Variants in CYP27C1 observed in about 807,000 individuals in gnomAD.
CYP27C1 encodes the protein cytochrome P450 27C1.
In CYP27C1, 29 loss-of-function variants were observed where a neutral mutation model predicts 40.6. That is an observed-to-expected ratio of 0.71 (90% CI 0.53 to 0.97). The LOEUF (loss-of-function observed/expected upper bound fraction) is 0.97. Among genes scored for constraint, CYP27C1 ranks in the 50% least tolerant of loss-of-function variants. The pLI is 0.00. For synonymous variants in CYP27C1, 198 were observed against 186.8 expected (o/e 1.06, Z -0.49); for missense variants, 390 against 485.8 (o/e 0.80, Z 1.85).
chr2:127,187,151 C>T lies in CYP27C1; in HGVS notation c.*120G>A, dbSNP rs1318499595. On this transcript the variant is annotated 3_prime_UTR_variant, in exon 9 of 9. Transcript: ENST00000664447. ...GTGTCCCAGGACCTGGGAGGCCAGT[C>T]TATAACAAGACAGCCTTTAGCGACA... 1 of 812,730 alleles carries T rather than the reference C, an allele frequency of 1.2e-6. No homozygotes were observed. Among genetic ancestry groups the T allele is most frequent in the South Asian group, 1.6e-5 (1 of 61,070 alleles). The allele number at this position is 812,730 out of a possible 1,614,324, so 50.3% of individuals were successfully genotyped here.
In CYP27C1 at chr2:127,209,270, T is replaced by C. The variant is rs1416803348; in HGVS notation, c.283-3180A>G. Among the ~76,000 whole-genome samples, 1 of 151,728 alleles carries C rather than the reference T, an allele frequency of 6.6e-6. No individual in the cohort carries two copies. The highest frequency in any genetic ancestry group is 1.5e-5 in the Non-Finnish European group (1 of 67,966). The stretch of plus-strand genomic sequence containing the variant: ...CTGCAGCAGCCCTACAGAAGAGGGA[T>C]TGACTATTGAAAGAAAAACAAACAG... On this transcript the variant is annotated intron_variant, in intron 1 of 8. Transcript: ENST00000664447. This position sits in a 1 kb window ranked among gnomAD's most constrained non-coding sequence, Gnocchi z 4.1.
Position 127,216,028 on chromosome 2 carries a change from G to A in CYP27C1, c.282+3961C>T, listed in dbSNP as rs538009192. ...CCACTAGAATGGCCATAATCAAAAG[G>A]ACAAGTAATAACAAATGTTGACAGG... On this transcript the variant is annotated intron_variant, in intron 1 of 8. Coordinates refer to ENST00000664447, the MANE Select transcript of CYP27C1 (RefSeq NM_001367502.1). Among the ~76,000 whole-genome samples the A allele has an allele frequency of 3.9e-5, 6 of 152,238 alleles. No individual in the cohort carries two copies. In the South Asian group the frequency reaches 8.3e-4, roughly 21 times the overall value.
In CYP27C1 at chr2:127,196,610, G is replaced by T. The variant is rs1682911043; in HGVS notation, c.1048-1109C>A. 6.6e-6 allele frequency among the ~76,000 whole-genome samples: 1 copy of T among 151,870 alleles called. No individual in the cohort carries two copies. The highest frequency in any genetic ancestry group is 6.6e-5 in the Admixed American group (1 of 15,250). On this transcript the variant is annotated intron_variant, in intron 5 of 8. Coordinates refer to ENST00000664447, the MANE Select transcript of CYP27C1 (RefSeq NM_001367502.1). The surrounding 1 kb of genome is among the most constrained non-coding windows in gnomAD (Gnocchi z 4.5). Reference sequence around the variant, plus strand: ...AAGATATCACGTGTTTTAGAGGGCAGCCCTCTTGTATATATAATATAATGT... The same window carrying T: ...AAGATATCACGTGTTTTAGAGGGCATCCCTCTTGTATATATAATATAATGT...
At position 127,208,372 on chromosome 2, in the gene CYP27C1, C is replaced by T. The variant is rs868599488; in HGVS notation, c.283-2282G>A. Among the ~76,000 whole-genome samples, 3 of 152,188 alleles carry T rather than the reference C, an allele frequency of 2.0e-5. No homozygotes were observed. The highest frequency in any genetic ancestry group is 4.4e-5 in the Non-Finnish European group (3 of 68,028). On this transcript the variant is annotated intron_variant, in intron 1 of 8. Transcript: ENST00000664447. The surrounding 1 kb of genome is among the most constrained non-coding windows in gnomAD (Gnocchi z 5.2). ...GTGCTTTTTCCACAGAACTGTGCAACCTACAGGTCAGAAGATCCCACTCTC... is the reference window on the plus strand; with the variant it reads ...GTGCTTTTTCCACAGAACTGTGCAATCTACAGGTCAGAAGATCCCACTCTC...
rs1683264538 is a variant in CYP27C1 at position 127,208,046 on chromosome 2, G to A, written c.283-1956C>T. ...ACAATCTCGAAAAAAGAACAAAGCT[G>A]GTGGACCCCCATTTTCCTGTTTCAA... On this transcript the variant is annotated intron_variant, in intron 1 of 8. Transcript: ENST00000664447. This position sits in a 1 kb window ranked among gnomAD's most constrained non-coding sequence, Gnocchi z 5.2. 6.6e-6 allele frequency among the ~76,000 whole-genome samples: 1 copy of A among 152,156 alleles called. No individual in the cohort carries two copies.
In CYP27C1 at chr2:127,195,205, A is replaced by T; in HGVS notation, c.1214+130T>A. Reference sequence around the variant, plus strand: ...TTCTGCTATTCTGACAAGAGCAGAGAAAAAATAACAGTCACGAACATCCTC... The same window carrying T: ...TTCTGCTATTCTGACAAGAGCAGAGTAAAAATAACAGTCACGAACATCCTC... On this transcript the variant is annotated intron_variant, in intron 6 of 8. Coordinates refer to ENST00000664447, the MANE Select transcript of CYP27C1 (RefSeq NM_001367502.1). The surrounding 1 kb of genome is among the most constrained non-coding windows in gnomAD (Gnocchi z 6.2). The T allele has an allele frequency of 8.8e-7, 1 of 1,131,078 alleles. No homozygotes were observed. Among genetic ancestry groups the T allele is most frequent in the Non-Finnish European group, 1.3e-6 (1 of 787,078 alleles). The allele number at this position is 1,131,078 out of a possible 1,614,324, so 70.1% of individuals were successfully genotyped here.
In CYP27C1 at chr2:127,196,048, T is replaced by C. The variant is rs543457914; in HGVS notation, c.1048-547A>G. On this transcript the variant is annotated intron_variant, in intron 5 of 8. Coordinates refer to ENST00000664447, the MANE Select transcript of CYP27C1 (RefSeq NM_001367502.1). This position sits in a 1 kb window ranked among gnomAD's most constrained non-coding sequence, Gnocchi z 4.5. Reference sequence around the variant, plus strand: ...CCACACAGAGCAAGTCAATAACTCGTCTATGCAAAGCAGTGTCTTTTTTTT... The same window carrying C: ...CCACACAGAGCAAGTCAATAACTCGCCTATGCAAAGCAGTGTCTTTTTTTT... Among the ~76,000 whole-genome samples the C allele has an allele frequency of 4.3e-4, 63 of 148,090 alleles. No homozygotes were observed. Among genetic ancestry groups the C allele is most frequent in the African/African-American group, 1.6e-3 (63 of 39,758 alleles).
At position 127,195,149 on chromosome 2, in the gene CYP27C1, G is replaced by C. The variant is rs1409500630; in HGVS notation, c.1214+186C>G. On this transcript the variant is annotated intron_variant, in intron 6 of 8. Coordinates refer to ENST00000664447, the MANE Select transcript of CYP27C1 (RefSeq NM_001367502.1). This position sits in a 1 kb window ranked among gnomAD's most constrained non-coding sequence, Gnocchi z 6.2. ...CCCAAAGATCTTTACAGAGAACAAG[G>C]ATTATGTCGACCCATAAAACAGAAT... Among the ~76,000 whole-genome samples the C allele has an allele frequency of 1.3e-5, 2 of 152,092 alleles. No homozygotes were observed. The highest frequency in any genetic ancestry group is 2.9e-5 in the Non-Finnish European group (2 of 68,008).
intron 8 of CYP27C1, among the ~76,000 whole-genome samples, chr2:127,189,168 G>GCCCCCCC (rs34707287): frequency 1.5e-5 from 2 of 129,132 alleles, no homozygotes; most frequent in Admixed American, 8.1e-5. Context: ...AAAAAACACT[G>GCCCCCCC]CCCCCCCCCT....
intron 2 of CYP27C1, among the ~76,000 whole-genome samples, chr2:127,204,487 AGGAAGGAAG>A (rs1447156423): frequency 0.18 from 13,466 of 74,346 alleles, 3,016 homozygotes; most frequent in East Asian, 0.48. Context: ...AAAGAAAGAA[AGGAAGGAAG>A]GAAGGAAGGA....
chr2:127,211,935 A>G (rs2104699728), intron 1 of CYP27C1, among the ~76,000 whole-genome samples: 1 of 152,166 alleles, frequency 6.6e-6, no homozygotes, highest in East Asian at 1.9e-4. Flanking sequence ...ACTAATAAAG[A>G]AGGAGAGAGA....
At chr2:127,204,438 G>GA (rs1374936746) in intron 2 of CYP27C1, among the ~76,000 whole-genome samples, 403 of 34,560 alleles carry the variant, frequency 0.012, 20 homozygotes, top group African/African-American at 0.034. Context: ...AGGAAAGAAA[G>GA]AAAAAGAAAG....
chr2:127,187,862 T>G (rs1244597952), intron 8 of CYP27C1, among the ~76,000 whole-genome samples: 1 of 152,224 alleles, frequency 6.6e-6, no homozygotes, highest in East Asian at 1.9e-4. Flanking sequence ...GACTTCATCG[T>G]GCTACTATCC....
At position 127,218,162 on chromosome 2, in the gene CYP27C1, C is replaced by T. The variant is rs115998225; in HGVS notation, c.282+1827G>A. On this transcript the variant is annotated intron_variant, in intron 1 of 8. Transcript: ENST00000664447. The surrounding 1 kb of genome is among the most constrained non-coding windows in gnomAD (Gnocchi z 6.0). ...TCAGGGTGAGGGCTGGCGGCAGGGG[C>T]GGGTGAATGGAAAATACCCATCTGA... 0.014 allele frequency among the ~76,000 whole-genome samples: 2,057 copies of T among 151,914 alleles called. 49 individuals carry two copies. The highest frequency in any genetic ancestry group is 0.047 in the African/African-American group (1,934 of 41,414).
chr2:127,195,448 C>A lies in CYP27C1; in HGVS notation c.1101G>T (p.Val367=). 1 of 1,614,084 alleles carries A rather than the reference C, an allele frequency of 6.2e-7. No homozygotes were observed. Among genetic ancestry groups the A allele is most frequent in the Non-Finnish European group, 8.5e-7 (1 of 1,180,012 alleles). Residue 367 remains valine, a synonymous_variant, in exon 6 of 9, where the codon GTG becomes GTT. Transcript: ENST00000664447. This position sits in a 1 kb window ranked among gnomAD's most constrained non-coding sequence, Gnocchi z 6.2. ...CAATCTCCCGGTACACCGTCTGCTG[C>A]ACTTCTGGGTGCCTTGCCAGGAGGT... The part of the protein sequence containing the change: ...TVYLLARHPE[V]QQTVYREIVK...
intron 8 of CYP27C1, among the ~76,000 whole-genome samples, chr2:127,190,331 CT>C (rs11400543): frequency 8.3e-5 from 10 of 120,222 alleles, no homozygotes; most frequent in Admixed American, 2.9e-4. Context: ...TGTGGCTTCT[CT>C]TTTTTTTTTC....
chr2:127,204,489 G>GAAAGA (rs1558931107), intron 2 of CYP27C1, among the ~76,000 whole-genome samples: 380 of 29,918 alleles, frequency 0.013, 31 homozygotes, highest in African/African-American at 0.031. Flanking sequence ...AGAAAGAAAG[G>GAAAGA]AAGGAAGGAA....
rs1573905187 is a variant in CYP27C1, at chr2:127,209,052, A to C, written c.283-2962T>G. On this transcript the variant is annotated intron_variant, in intron 1 of 8. Coordinates refer to ENST00000664447, the MANE Select transcript of CYP27C1 (RefSeq NM_001367502.1). The surrounding 1 kb of genome is among the most constrained non-coding windows in gnomAD (Gnocchi z 4.1). The stretch of plus-strand genomic sequence containing the variant: ...TCCCCATGCCACCCAACTGGGTGAG[A>C]CCCTCCAATAGGGGTTGTCAGATAC... Among the ~76,000 whole-genome samples, 1 of 152,200 alleles carries C rather than the reference A, an allele frequency of 6.6e-6. No homozygotes were observed. The highest frequency in any genetic ancestry group is 1.5e-5 in the Non-Finnish European group (1 of 68,022).
chr2:127,185,173 G>A lies in CYP27C1; in HGVS notation c.*2098C>T, dbSNP rs1451654623. ...ACCACATATTTCCTATAAACCAGTA[G>A]CGAACCTAGAAACTTGTCCAGCTGA... On this transcript the variant is annotated 3_prime_UTR_variant, in exon 9 of 9. Coordinates refer to ENST00000664447, the MANE Select transcript of CYP27C1 (RefSeq NM_001367502.1). The surrounding 1 kb of genome is among the most constrained non-coding windows in gnomAD (Gnocchi z 4.9). 6.6e-6 allele frequency: 1 copy of A among 152,220 alleles called. No individual in the cohort carries two copies. The highest frequency in any genetic ancestry group is 6.6e-5 in the Admixed American group (1 of 15,264). 9.4% of individuals were successfully genotyped at this position (152,220 alleles called of 1,614,324 possible).
Sources: gnomAD v4.1 joint callset for allele counts (sites outside exome capture counted in the v4.1 genomes callset) on GRCh38, gnomAD v4.1.1 for gene constraint, Gnocchi (gnomAD v3.1) non-coding constraint, MANE v1.5 for transcripts, NCBI Gene and HGNC (gene_info 2026-07-23, HGNC 2026-07-21) for gene names.